Variants in ZNF804B observed in about 807,000 individuals in gnomAD.
ZNF804B encodes the protein zinc finger protein 804B.
ZNF804B carries 80 observed loss-of-function variants against 101.4 expected under a neutral mutation model. The ratio of observed to expected loss-of-function variants is 0.79; its 90% CI spans 0.66 to 0.95. The LOEUF is 0.95. Among genes scored for constraint, ZNF804B ranks in the 40% least tolerant of loss-of-function variants. ZNF804B has a pLI of 0.00. For missense variants in ZNF804B, 1,673 were observed against 1,561.9 expected (o/e 1.07, Z -1.20); for synonymous variants, 622 against 558.8 (o/e 1.11, Z -1.59).
chr7:89,236,677 A>G (rs1478166081), intron 2 of ZNF804B, among the ~76,000 whole-genome samples: 3 of 152,146 alleles, frequency 2.0e-5, no homozygotes, highest in Non-Finnish European at 4.4e-5. Context: ...TTGAGAGAAT[A>G]AATTGAGATT....
At position 89,315,406 on chromosome 7, in the gene ZNF804B, G is replaced by A. The variant is rs181152469; in HGVS notation, c.250-11938G>A. 5.3e-5 allele frequency among the ~76,000 whole-genome samples: 8 copies of A among 152,156 alleles called. No homozygotes were observed. In the East Asian group the frequency reaches 1.5e-3, roughly 29 times the overall value. On this transcript the variant is annotated intron_variant, in intron 2 of 3. Coordinates refer to ENST00000333190, the MANE Select transcript of ZNF804B (RefSeq NM_181646.5). ...TATTGTTCTAGTAGTTTTTGAAAAAGTTTATAAATGATTATCTATAAATTA... is the reference window on the plus strand; with the variant it reads ...TATTGTTCTAGTAGTTTTTGAAAAAATTTATAAATGATTATCTATAAATTA...
chr7:89,099,070 T>C (rs1271501498), intron 1 of ZNF804B, among the ~76,000 whole-genome samples: 2 of 146,980 alleles, frequency 1.4e-5, no homozygotes, highest in Non-Finnish European at 3.0e-5. Context: ...TATGTACCTA[T>C]TTGAATAACA....
intron 1 of ZNF804B, among the ~76,000 whole-genome samples, chr7:88,914,140 A>G (rs148288910): frequency 3.2e-4 from 48 of 152,296 alleles, no homozygotes; most frequent in African/African-American, 1.1e-3. Context: ...AAATTCCCTT[A>G]TATCAGTTCA....
At chr7:89,174,512 G>T (rs1000327163) in intron 1 of ZNF804B, among the ~76,000 whole-genome samples, 12 of 151,958 alleles carry the variant, frequency 7.9e-5, no homozygotes, top group African/African-American at 2.7e-4. Context: ...GGACACACAA[G>T]TTAATTCCAA....
intron 1 of ZNF804B, among the ~76,000 whole-genome samples, chr7:89,213,015 T>TC (rs1788827657): frequency 6.6e-6 from 1 of 152,150 alleles, no homozygotes; most frequent in Non-Finnish European, 1.5e-5. Flanking sequence ...CTTATTATTA[T>TC]CCCCCTTAAT....
At chr7:88,882,845 G>C (rs1477471175) in intron 1 of ZNF804B, among the ~76,000 whole-genome samples, 2 of 151,950 alleles carry the variant, frequency 1.3e-5, no homozygotes, top group Non-Finnish European at 2.9e-5. Flanking sequence ...GTAGATACTG[G>C]GGGGACTATT....
At chr7:89,179,169 A>G (rs533068374) in intron 1 of ZNF804B, among the ~76,000 whole-genome samples, 25 of 152,248 alleles carry the variant, frequency 1.6e-4, no homozygotes, top group Non-Finnish European at 2.4e-4. Context: ...CATGGTATTT[A>G]ATAACCTTCT....
chr7:88,942,749 C>T (rs1793074466), intron 1 of ZNF804B, among the ~76,000 whole-genome samples: 1 of 151,626 alleles, frequency 6.6e-6, no homozygotes, highest in Non-Finnish European at 1.5e-5. Context: ...AGTCTTGGGA[C>T]CTTATATATT....
At chr7:89,169,927 T>C (rs1446066008) in intron 1 of ZNF804B, among the ~76,000 whole-genome samples, 2 of 152,150 alleles carry the variant, frequency 1.3e-5, no homozygotes, top group Non-Finnish European at 2.9e-5. Context: ...AATAAGAAGC[T>C]ATTGGTAAGC....
intron 2 of ZNF804B, among the ~76,000 whole-genome samples, chr7:89,275,944 A>G (rs893468354): frequency 6.6e-6 from 1 of 151,668 alleles, no homozygotes; most frequent in African/African-American, 2.4e-5. Flanking sequence ...GATAGACTAG[A>G]TAAAAAAATG....
intron 1 of ZNF804B, among the ~76,000 whole-genome samples, chr7:89,176,591 C>CTTTTTTTTTTTTTT (rs35866405): frequency 7.0e-5 from 5 of 71,940 alleles, no homozygotes; most frequent in East Asian, 3.6e-4. Context: ...TTCTTTCTTT[C>CTTTTTTTTTTTTTT]TTTTTTTTTT....
At chr7:89,192,071 G>A (rs970267361) in intron 1 of ZNF804B, among the ~76,000 whole-genome samples, 3 of 151,976 alleles carry the variant, frequency 2.0e-5, no homozygotes, top group African/African-American at 7.2e-5. Context: ...ATTCTTATTA[G>A]GAGGATGAAA....
chr7:88,898,073 CTTTTTTTTT>C (rs869050718), intron 1 of ZNF804B, among the ~76,000 whole-genome samples: 78 of 56,576 alleles, frequency 1.4e-3, no homozygotes, highest in Non-Finnish European at 1.9e-3. Flanking sequence ...ACTTCTCCAT[CTTTTTTTTT>C]TTTTTTTTTT....
At chr7:89,140,379 CT>C (rs1464402735) in intron 1 of ZNF804B, among the ~76,000 whole-genome samples, 1 of 151,996 alleles carries the variant, frequency 6.6e-6, no homozygotes, top group African/African-American at 2.4e-5. Flanking sequence ...TCATTGAAAG[CT>C]TTAGAGCCAG....
chr7:88,762,305 G>A (rs1403026451), intron 1 of ZNF804B, among the ~76,000 whole-genome samples: 3 of 152,042 alleles, frequency 2.0e-5, no homozygotes. Flanking sequence ...ATGTGAGCTG[G>A]GCACTGTATG....
At chr7:88,932,556 A>G (rs1411066609) in intron 1 of ZNF804B, among the ~76,000 whole-genome samples, 2 of 151,924 alleles carry the variant, frequency 1.3e-5, no homozygotes, top group African/African-American at 4.8e-5. Context: ...TAAAAATGAA[A>G]CTGGAGATTT....
At chr7:88,960,567 T>G (rs1054412431) in intron 1 of ZNF804B, among the ~76,000 whole-genome samples, 3 of 151,386 alleles carry the variant, frequency 2.0e-5, no homozygotes, top group Non-Finnish European at 4.4e-5. Context: ...TAGGTGACTC[T>G]TAGGTGAGGG....
intron 2 of ZNF804B, among the ~76,000 whole-genome samples, chr7:89,312,313 A>G (rs550835371): frequency 6.6e-6 from 1 of 152,328 alleles, no homozygotes; most frequent in East Asian, 1.9e-4. Context: ...CTGACAAGCA[A>G]TCTTTATGTC....
chr7:88,783,962 T>C (rs1397825766), intron 1 of ZNF804B, among the ~76,000 whole-genome samples: 1 of 152,222 alleles, frequency 6.6e-6, no homozygotes. Context: ...GTTTCATGAA[T>C]ATAATTAATG....
Sources: gnomAD v4.1 joint callset for allele counts (sites outside exome capture counted in the v4.1 genomes callset) on GRCh38, gnomAD v4.1.1 for gene constraint, MANE v1.5 for transcripts, NCBI Gene and HGNC (gene_info 2026-07-23, HGNC 2026-07-21) for gene names.